The following LTBP1 variants were observed in gnomAD, a reference collection of about 807,000 sequenced individuals.
LTBP1 encodes latent-transforming growth factor beta-binding protein 1.
In LTBP1, 129 loss-of-function variants were observed where a neutral mutation model predicts 207.6. That is an observed-to-expected ratio of 0.62 (90% CI 0.54 to 0.72). The LOEUF (loss-of-function observed/expected upper bound fraction) is 0.72. Among genes scored for constraint, LTBP1 ranks in the 30% least tolerant of loss-of-function variants. LTBP1 has a pLI of 0.00. For missense variants in LTBP1, 2,281 were observed against 2,217.2 expected, an observed-to-expected ratio of 1.03 and a Z score of -0.58; for synonymous variants, 963 against 833.7, an observed-to-expected ratio of 1.16 and a Z score of -2.67.
intron 31 of LTBP1, among the ~76,000 whole-genome samples, chr2:33,370,808 G>A (rs1416968839): frequency 6.6e-6 from 1 of 152,116 alleles, no homozygotes; most frequent in Non-Finnish European, 1.5e-5. Context: ...GGAACAATTC[G>A]TTACTGATGG....
intron 5 of LTBP1, among the ~76,000 whole-genome samples, chr2:33,168,117 T>C (rs1482356718): frequency 1.3e-5 from 2 of 152,166 alleles, no homozygotes; most frequent in Non-Finnish European, 2.9e-5. Context: ...CAGTGGCTCA[T>C]GCCTGCCATC....
chr2:33,092,932 C>G (rs1303876740), intron 3 of LTBP1, among the ~76,000 whole-genome samples: 1 of 152,186 alleles, frequency 6.6e-6, no homozygotes, highest in Non-Finnish European at 1.5e-5. Flanking sequence ...CCTCAAGGAA[C>G]TGATTCATAG....
At chr2:33,285,453 T>TG (rs2093647253) in intron 19 of LTBP1, among the ~76,000 whole-genome samples, 1 of 145,278 alleles carries the variant, frequency 6.9e-6, no homozygotes, top group Non-Finnish European at 1.5e-5. Context: ...TTCTTTTTCT[T>TG]TTTTTTTTTT....
chr2:33,205,386 G>A (rs905538955), intron 7 of LTBP1, among the ~76,000 whole-genome samples: 6 of 152,188 alleles, frequency 3.9e-5, no homozygotes, highest in Non-Finnish European at 7.3e-5. Context: ...ATTGATCTTA[G>A]AACTAGGCAC....
At chr2:33,262,570 C>T in intron 13 of LTBP1, 152 bp from the exon 14 acceptor site, 1 of 185,988 alleles carries the variant, frequency 5.4e-6, no homozygotes, top group Non-Finnish European at 1.0e-5. Flanking sequence ...TGTAATTTCA[C>T]ACAATTATAC....
intron 2 of LTBP1, among the ~76,000 whole-genome samples, chr2:32,954,831 A>G (rs971107136): frequency 2.0e-5 from 3 of 152,130 alleles, no homozygotes; most frequent in Non-Finnish European, 2.9e-5. Flanking sequence ...CTGCCACACA[A>G]TCTGTGACTG....
intron 28 of LTBP1, 38 bp from the exon 29 acceptor site, chr2:33,363,352 T>G: frequency 3.7e-6 from 6 of 1,610,390 alleles, no homozygotes; most frequent in Non-Finnish European, 5.1e-6. Context: ...AGATCAAACC[T>G]AACTCCTTTT....
chr2:33,373,796 G>A (rs1331079608), intron 31 of LTBP1, among the ~76,000 whole-genome samples: 1 of 152,144 alleles, frequency 6.6e-6, no homozygotes, highest in Non-Finnish European at 1.5e-5. Context: ...TGGAACAGGT[G>A]TAAAGTTGTA....
intron 3 of LTBP1, among the ~76,000 whole-genome samples, chr2:33,089,376 G>A (rs554142153): frequency 2.0e-5 from 3 of 152,234 alleles, no homozygotes; most frequent in East Asian, 3.9e-4. Flanking sequence ...TAGAGTCAGC[G>A]ATACTTGAGT....
chr2:33,385,371 T>G (rs2095256909), intron 31 of LTBP1, among the ~76,000 whole-genome samples: 1 of 152,244 alleles, frequency 6.6e-6, no homozygotes, highest in Non-Finnish European at 1.5e-5. Flanking sequence ...AACATTAAAA[T>G]GTAAATCACT....
At chr2:32,950,992 G>A (rs1439929484) in intron 2 of LTBP1, among the ~76,000 whole-genome samples, 3 of 152,176 alleles carry the variant, frequency 2.0e-5, no homozygotes, top group Non-Finnish European at 4.4e-5. Context: ...TGGGTGCCTA[G>A]GTTTAGCTGG....
At chr2:33,281,467 A>G (rs1047393923) in intron 19 of LTBP1, among the ~76,000 whole-genome samples, 1 of 152,228 alleles carries the variant, frequency 6.6e-6, no homozygotes, top group African/African-American at 2.4e-5. Flanking sequence ...CTGCAAGATG[A>G]GAGGACAGAC....
chr2:33,397,455 A>C (rs1207239661), intron 33 of LTBP1, among the ~76,000 whole-genome samples, 173 bp downstream of exon 33: 1 of 151,430 alleles, frequency 6.6e-6, no homozygotes, highest in Admixed American at 6.6e-5. Flanking sequence ...TGGACTATAT[A>C]CTTAAAAATG....
At chr2:33,211,628 A>C (rs1164307713) in intron 7 of LTBP1, among the ~76,000 whole-genome samples, 1 of 152,180 alleles carries the variant, frequency 6.6e-6, no homozygotes, top group Non-Finnish European at 1.5e-5. Flanking sequence ...CTCCTTCCCC[A>C]GGACTCTGCA....
intron 2 of LTBP1, among the ~76,000 whole-genome samples, chr2:32,988,443 A>G (rs13427018): frequency 0.11 from 17,226 of 152,092 alleles, 1,238 homozygotes; most frequent in African/African-American, 0.2. Flanking sequence ...AGCCATAGGA[A>G]CCCTAGGATT....
chr2:33,232,926 C>G (rs1346977438), intron 9 of LTBP1, among the ~76,000 whole-genome samples: 1 of 152,108 alleles, frequency 6.6e-6, no homozygotes, highest in Non-Finnish European at 1.5e-5. Context: ...CCAAAGTCTT[C>G]TGACTTCTGT....
In LTBP1 at chr2:33,389,262, G is replaced by A. The variant is rs989504771; in HGVS notation, c.4790G>A (p.Ser1597Asn). The change falls in exon 32 of 34, where the codon AGT becomes AAT. Residue 1597 changes from serine to asparagine, a missense_variant. Around this residue, in one of 3 missense-constraint regions of LTBP1, gnomAD observed 1,671 missense variants for 1,634.8 expected, o/e 1.02. Transcript: ENST00000404816. ...GGACGGGACGCCTTGGTTGACTTCA[G>A]TGAACAGTATACTCCAGAAGCCGAT... ...PYGRDALVDF[S>N]EQYTPEADPY... 16 of 1,614,210 alleles carry A rather than the reference G, an allele frequency of 9.9e-6. No individual in the cohort carries two copies. The highest frequency in any genetic ancestry group is 1.3e-5 in the Non-Finnish European group (15 of 1,180,032).
intron 9 of LTBP1, among the ~76,000 whole-genome samples, chr2:33,230,845 G>C (rs58995878): frequency 2.6e-5 from 4 of 152,190 alleles, no homozygotes; most frequent in African/African-American, 9.7e-5. Context: ...ACCAGTTTCA[G>C]TTTACAAGGA....
chr2:33,379,379 T>C (rs1265946894), intron 31 of LTBP1, among the ~76,000 whole-genome samples: 1 of 151,958 alleles, frequency 6.6e-6, no homozygotes, highest in Admixed American at 6.5e-5. Flanking sequence ...CCAGCTAATT[T>C]TTTGTATTTT....
Sources: gnomAD v4.1 joint callset for allele counts (sites outside exome capture counted in the v4.1 genomes callset) on GRCh38, gnomAD v4.1.1 for gene constraint, gnomAD v4.1.1 regional missense constraint, MANE v1.5 for transcripts, NCBI Gene and HGNC (gene_info 2026-07-23, HGNC 2026-07-21) for gene names.